Variants in ADAM12 observed in about 807,000 individuals in gnomAD.
ADAM12 encodes the protein disintegrin and metalloproteinase domain-containing protein 12.
ADAM12 carries 70 observed loss-of-function variants against 106.4 expected under a neutral mutation model. The ratio of observed to expected loss-of-function variants is 0.66; its 90% CI spans 0.54 to 0.80. The LOEUF (loss-of-function observed/expected upper bound fraction) is 0.80, where lower values mean the gene tolerates loss of function less well. Ranked by LOEUF, ADAM12 falls within the 30% of genes least tolerant of loss-of-function variation. ADAM12 has a pLI of 0.00. For synonymous variants in ADAM12, 420 were observed against 433.5 expected (o/e 0.97, Z 0.39); for missense variants, 1,010 against 1,171.9 (o/e 0.86, Z 2.02).
intron 3 of ADAM12, among the ~76,000 whole-genome samples, chr10:126,277,713 A>G (rs1186399735): frequency 6.6e-6 from 1 of 152,186 alleles, no homozygotes; most frequent in Non-Finnish European, 1.5e-5. Flanking sequence ...GCAAGTCACA[A>G]GAAAAGCTAA....
chr10:126,286,172 C>T (rs1959850156), intron 2 of ADAM12, among the ~76,000 whole-genome samples: 1 of 152,112 alleles, frequency 6.6e-6, no homozygotes, highest in African/African-American at 2.4e-5. Context: ...CACACAGCAT[C>T]AGGTCCTTGG....
At chr10:126,051,564 T>G (rs142359600) in intron 14 of ADAM12, among the ~76,000 whole-genome samples, 19 of 112,098 alleles carry the variant, frequency 1.7e-4, no homozygotes, top group East Asian at 5.6e-4. Context: ...CATCCATCCA[T>G]CCATCCATCC....
chr10:126,138,427 T>G (rs1182051276), intron 4 of ADAM12, among the ~76,000 whole-genome samples: 1 of 152,156 alleles, frequency 6.6e-6, no homozygotes, highest in African/African-American at 2.4e-5. Context: ...TAGGCTGGAG[T>G]GCAGTGGCAC....
At chr10:126,275,858 C>T (rs537645146) in intron 3 of ADAM12, among the ~76,000 whole-genome samples, 25 of 151,956 alleles carry the variant, frequency 1.6e-4, no homozygotes, top group South Asian at 4.2e-4. Flanking sequence ...TTTATTTTTG[C>T]GAAACATTAA....
chr10:126,364,502 C>A (rs1855846431), intron 1 of ADAM12, among the ~76,000 whole-genome samples: 1 of 152,004 alleles, frequency 6.6e-6, no homozygotes, highest in South Asian at 2.1e-4. Context: ...TAAACTAATA[C>A]AAGATATATC....
chr10:126,337,697 T>C (rs916917719), intron 1 of ADAM12, among the ~76,000 whole-genome samples: 1 of 152,128 alleles, frequency 6.6e-6, no homozygotes, highest in Non-Finnish European at 1.5e-5. Flanking sequence ...CAACCCTCCA[T>C]CCAGTCAAGC....
chr10:126,023,215 CTA>C (rs1953803408), intron 21 of ADAM12, among the ~76,000 whole-genome samples: 1 of 152,218 alleles, frequency 6.6e-6, no homozygotes, highest in African/African-American at 2.4e-5. Context: ...GGAATTATGG[CTA>C]TAGATCAGAA....
chr10:126,287,310 A>T (rs1355886447), intron 2 of ADAM12, among the ~76,000 whole-genome samples: 1 of 152,184 alleles, frequency 6.6e-6, no homozygotes, highest in African/African-American at 2.4e-5. Flanking sequence ...TCTTGAGCTT[A>T]CTATTGGGTT....
At chr10:126,191,644 A>G (rs1474125292) in intron 3 of ADAM12, among the ~76,000 whole-genome samples, 1 of 152,078 alleles carries the variant, frequency 6.6e-6, no homozygotes, top group Non-Finnish European at 1.5e-5. Flanking sequence ...AAAATTTAAG[A>G]CTTCCAAGGT....
At position 126,118,267 on chromosome 10, in the gene ADAM12, A is replaced by G. The variant is rs545864680; in HGVS notation, c.417-43T>C. 6.8e-6 allele frequency: 10 copies of G among 1,464,170 alleles called. No homozygotes were observed. In the African/African-American group the frequency reaches 1.3e-4, roughly 19 times the overall value. The allele number at this position is 1,464,170 out of a possible 1,614,324, so 90.7% of individuals were successfully genotyped here. On this transcript the variant is annotated intron_variant, in intron 5 of 22. Transcript: ENST00000448723. ...AGAAAAAATATATAATTTTAAGGAC[A>G]GCTTCTTGTTTATGGCCAAGACACA...
chr10:126,134,860 G>T (rs1221211567), intron 5 of ADAM12, among the ~76,000 whole-genome samples: 1 of 152,240 alleles, frequency 6.6e-6, no homozygotes, highest in Non-Finnish European at 1.5e-5. Flanking sequence ...TTGGGCCAAA[G>T]TTACCCAGGA....
At chr10:126,098,117 A>G (rs546152005) in intron 10 of ADAM12, among the ~76,000 whole-genome samples, 2 of 152,306 alleles carry the variant, frequency 1.3e-5, no homozygotes, top group South Asian at 4.1e-4. Context: ...GGCTCACCCC[A>G]GTGCTGCGAG....
intron 3 of ADAM12, among the ~76,000 whole-genome samples, chr10:126,258,450 C>T (rs1958936435): frequency 1.3e-5 from 2 of 152,274 alleles, no homozygotes; most frequent in Middle Eastern, 6.8e-3. Context: ...CCAGTGGCCT[C>T]CGACCTCTGC....
At chr10:126,117,540 G>A (rs1470457330) in intron 6 of ADAM12, among the ~76,000 whole-genome samples, 1 of 152,130 alleles carries the variant, frequency 6.6e-6, no homozygotes, top group African/African-American at 2.4e-5. Flanking sequence ...AAGTGTGTAG[G>A]CAAAGAGTGA....
intron 1 of ADAM12, among the ~76,000 whole-genome samples, chr10:126,380,312 C>A: frequency 6.6e-6 from 1 of 152,316 alleles, no homozygotes; most frequent in East Asian, 1.9e-4. Context: ...TTCATTTGAA[C>A]TGCATTACCG....
At position 126,190,989 on chromosome 10, in the gene ADAM12, C is replaced by CTTTTTTTTTTTTT. The variant is rs1957488604; in HGVS notation, c.261-35685_261-35684insAAAAAAAAAAAAA. Among the ~76,000 whole-genome samples the CTTTTTTTTTTTTT allele has an allele frequency of 3.5e-4, 24 of 68,730 alleles. 12 individuals are homozygous for CTTTTTTTTTTTTT. Among genetic ancestry groups the CTTTTTTTTTTTTT allele is most frequent in the South Asian group, 1.1e-3 (2 of 1,810 alleles). The allele number at this position is 68,730 out of a possible 152,430, so 45.1% of individuals were successfully genotyped here. A position where few individuals can be genotyped will look rare whatever the true frequency, so the allele number is the denominator to read the frequency against. On this transcript the variant is annotated intron_variant, in intron 3 of 22. Coordinates refer to ENST00000448723, the MANE Select transcript of ADAM12 (RefSeq NM_001288973.2). Reference sequence around the variant, plus strand: ...TTTGAGTTGCCATGAGGAGTTTTGTCCTTTTTTTTTTTTTTTTTTTTTTTT... The same window carrying CTTTTTTTTTTTTT: ...TTTGAGTTGCCATGAGGAGTTTTGTCTTTTTTTTTTTTTCTTTTTTTTTTTTTTTTTTTTTTTT...
intron 17 of ADAM12, among the ~76,000 whole-genome samples, chr10:126,044,575 C>T (rs964833517): frequency 9.9e-5 from 15 of 152,016 alleles, no homozygotes; most frequent in African/African-American, 2.4e-4. Flanking sequence ...GGCCTCAGCC[C>T]GCCATCAAAA....
intron 3 of ADAM12, among the ~76,000 whole-genome samples, chr10:126,166,233 G>A (rs1957021090): frequency 6.6e-6 from 1 of 152,194 alleles, no homozygotes; most frequent in South Asian, 2.1e-4. Context: ...GAGCCTATCT[G>A]TTCATGAGCG....
At chr10:126,027,369 C>CATT (rs1384598370) in intron 21 of ADAM12, among the ~76,000 whole-genome samples, 2 of 152,278 alleles carry the variant, frequency 1.3e-5, no homozygotes, top group East Asian at 3.9e-4. Context: ...CTCTCTAACT[C>CATT]ATTCTGTGAG....
Sources: gnomAD v4.1 joint callset for allele counts (sites outside exome capture counted in the v4.1 genomes callset) on GRCh38, gnomAD v4.1.1 for gene constraint, MANE v1.5 for transcripts, NCBI Gene and HGNC (gene_info 2026-07-23, HGNC 2026-07-21) for gene names.